Variants in ANKRD17 observed in about 807,000 individuals in gnomAD.
ANKRD17 encodes ankyrin repeat domain-containing protein 17.
In ANKRD17, 19 loss-of-function variants were observed where a neutral mutation model predicts 229.7. The observed-to-expected ratio is 0.08, with a 90% CI of 0.06 to 0.12. The LOEUF is 0.12. Among genes scored for constraint, ANKRD17 ranks in the 10% least tolerant of loss-of-function variants. ANKRD17 has a pLI of 1.00. For missense variants in ANKRD17, 2,176 were observed against 3,176.8 expected, an observed-to-expected ratio of 0.68 and a Z score of 7.57; for synonymous variants, 1,112 against 1,146.1, an observed-to-expected ratio of 0.97 and a Z score of 0.60.
intron 1 of ANKRD17, among the ~76,000 whole-genome samples, chr4:73,187,214 T>TA (rs1181216194): frequency 6.6e-6 from 1 of 152,164 alleles, no homozygotes; most frequent in Non-Finnish European, 1.5e-5. Context: ...TTTAGGTATG[T>TA]AAACACTATG....
intron 2 of ANKRD17, among the ~76,000 whole-genome samples, chr4:73,168,425 G>C (rs549426816): frequency 1.3e-5 from 2 of 150,502 alleles, no homozygotes; most frequent in East Asian, 3.9e-4. Flanking sequence ...GATATATAGT[G>C]CTAAATATTT....
At position 73,098,397 on chromosome 4, in the gene ANKRD17, C is replaced by T. The variant is rs61757700; in HGVS notation, c.4697G>A (p.Ser1566Asn). ...ATTTTTCCTGTTTTTCCTCTTTGAACTGGTTGTAGTTATGGTATTATTTCT... is the reference window on the plus strand; with the variant it reads ...ATTTTTCCTGTTTTTCCTCTTTGAATTGGTTGTAGTTATGGTATTATTTCT... ...GKRNNTITTT[S>N]SKRKNRKNKI... The change falls in exon 26 of 34, where the codon AGT (serine) becomes AAT (asparagine). Residue 1566 changes from serine (S) to asparagine (N), a missense_variant. Physicochemically the swap from Ser to Asn is conservative, Grantham distance 46. This residue lies in a region of ANKRD17 where 105 missense variants were observed against 118.3 expected (regional missense o/e 0.89). Transcript: ENST00000358602. 28 of 1,614,116 alleles carry T rather than the reference C, an allele frequency of 1.7e-5. No homozygotes were observed. Among genetic ancestry groups the T allele is most frequent in the Non-Finnish European group, 2.3e-5 (27 of 1,180,030 alleles).
At chr4:73,087,855 TAGGATAGAAAGGGGGAAAAGGAGGAAAGA>T (rs1560498878) in intron 29 of ANKRD17, among the ~76,000 whole-genome samples, 2 of 146,916 alleles carry the variant, frequency 1.4e-5, no homozygotes, top group Non-Finnish European at 3.0e-5. Context: ...AAAATAGAGA[TAGGATAGAAAGGGGGAAAAGGAGGAAAGA>T]AGGATGAAGA....
intron 1 of ANKRD17, among the ~76,000 whole-genome samples, chr4:73,251,713 T>A (rs986537469): frequency 6.6e-6 from 1 of 152,158 alleles, no homozygotes; most frequent in African/African-American, 2.4e-5. Context: ...ATGAAGGTCC[T>A]CATTAAATCC....
At chr4:73,231,138 C>T (rs577047264) in intron 1 of ANKRD17, among the ~76,000 whole-genome samples, 1 of 151,936 alleles carries the variant, frequency 6.6e-6, no homozygotes, top group African/African-American at 2.4e-5. Flanking sequence ...GAAATACACA[C>T]CACACACACA....
intron 30 of ANKRD17, among the ~76,000 whole-genome samples, chr4:73,080,559 G>C (rs1560489977): frequency 1.3e-5 from 2 of 152,128 alleles, no homozygotes; most frequent in African/African-American, 4.8e-5. Context: ...ACAAAAGCTT[G>C]TTTTTTAAAA....
rs942556771 is a variant in ANKRD17, at chr4:73,258,490, A to G, written c.179T>C (p.Leu60Pro). The change falls in exon 1 of 34, where the codon CTG (leucine) becomes CCG (proline). Residue 60 changes from leucine (L) to proline (P), a missense_variant. Physicochemically the swap from Leu to Pro is moderately conservative, Grantham distance 98. Around this residue, in one of 18 missense-constraint regions of ANKRD17, gnomAD observed 196 missense variants for 190.0 expected, o/e 1.03. Transcript: ENST00000358602. ...SPRGMVRVCDLLLKKKPPQQQ... is the reference protein window; with the variant it reads ...SPRGMVRVCDPLLKKKPPQQQ... The stretch of plus-strand genomic sequence containing the variant: ...CTGCGGCGGCTTCTTCTTCAGGAGC[A>G]GGTCGCAGACTCGCACCATCCCACG... The G allele has an allele frequency of 3.8e-6, 6 of 1,575,222 alleles. No individual in the cohort carries two copies. The African/African-American group carries it at 8.1e-5, about 21-fold the overall frequency.
chr4:73,242,587 A>C (rs1382449850), intron 1 of ANKRD17, among the ~76,000 whole-genome samples: 1 of 152,224 alleles, frequency 6.6e-6, no homozygotes, highest in Non-Finnish European at 1.5e-5. Flanking sequence ...GGTCACGTAC[A>C]AAAGATGATT....
intron 1 of ANKRD17, among the ~76,000 whole-genome samples, chr4:73,249,713 G>A (rs1398651270): frequency 6.6e-6 from 1 of 152,208 alleles, no homozygotes; most frequent in Admixed American, 6.5e-5. Context: ...AATTAGCCGG[G>A]CGTGGTGGCG....
At chr4:73,186,363 C>T (rs1736291095) in intron 1 of ANKRD17, among the ~76,000 whole-genome samples, 1 of 151,980 alleles carries the variant, frequency 6.6e-6, no homozygotes, top group South Asian at 2.1e-4. Context: ...GAAATAAAAT[C>T]TTTCTTGTAA....
At chr4:73,168,380 G>A (rs2148948922) in intron 2 of ANKRD17, among the ~76,000 whole-genome samples, 1 of 152,056 alleles carries the variant, frequency 6.6e-6, no homozygotes, top group East Asian at 1.9e-4. Flanking sequence ...AATGATTATA[G>A]AGATTTCATT....
chr4:73,251,049 T>A (rs527657011), intron 1 of ANKRD17, among the ~76,000 whole-genome samples: 1 of 152,168 alleles, frequency 6.6e-6, no homozygotes, highest in East Asian at 1.9e-4. Flanking sequence ...GGCAGGAGGA[T>A]CACTTGAAGC....
intron 1 of ANKRD17, among the ~76,000 whole-genome samples, chr4:73,250,741 C>A (rs1744944087): frequency 1.3e-5 from 2 of 151,386 alleles, no homozygotes; most frequent in African/African-American, 4.9e-5. Context: ...GAGTCTCACT[C>A]TGTCGCCCAG....
At chr4:73,253,177 T>G (rs75358864) in intron 1 of ANKRD17, among the ~76,000 whole-genome samples, 2 of 152,222 alleles carry the variant, frequency 1.3e-5, no homozygotes, top group African/African-American at 4.8e-5. Context: ...ACCTGTAAAA[T>G]GAATGCTCCC....
chr4:73,245,592 G>C (rs1193824105), intron 1 of ANKRD17, among the ~76,000 whole-genome samples: 3 of 152,112 alleles, frequency 2.0e-5, no homozygotes, highest in Non-Finnish European at 4.4e-5. Flanking sequence ...TTTCACACTT[G>C]CTTAGCCAGC....
At chr4:73,212,103 G>C (rs1740349432) in intron 1 of ANKRD17, among the ~76,000 whole-genome samples, 1 of 152,102 alleles carries the variant, frequency 6.6e-6, no homozygotes, top group African/African-American at 2.4e-5. Flanking sequence ...AAGCCAAGGA[G>C]AGTCTAAACA....
chr4:73,174,728 C>T (rs1298842656), intron 2 of ANKRD17, among the ~76,000 whole-genome samples: 1 of 152,078 alleles, frequency 6.6e-6, no homozygotes, highest in Non-Finnish European at 1.5e-5. Flanking sequence ...AGCAAAGTTG[C>T]AGGAAACAAA....
chr4:73,099,270 C>T (rs1206134302), intron 25 of ANKRD17: 1 of 557,306 alleles, frequency 1.8e-6, no homozygotes, highest in Non-Finnish European at 3.3e-6. Context: ...CCGGCTGCCA[C>T]CCCCATCCTT....
intron 30 of ANKRD17, among the ~76,000 whole-genome samples, chr4:73,079,668 GA>G (rs1721354727): frequency 6.6e-6 from 1 of 152,098 alleles, no homozygotes; most frequent in Non-Finnish European, 1.5e-5. Context: ...TTTATCTTGT[GA>G]GTACTTCACA....
Sources: gnomAD v4.1 joint callset for allele counts (sites outside exome capture counted in the v4.1 genomes callset) on GRCh38, gnomAD v4.1.1 for gene constraint, gnomAD v4.1.1 regional missense constraint, MANE v1.5 for transcripts, NCBI Gene and HGNC (gene_info 2026-07-23, HGNC 2026-07-21) for gene names.